PHF8: variants seen among roughly 807,000 people sequenced by gnomAD.
The protein encoded by PHF8 is PHD finger protein 8, also known as histone lysine demethylase PHF8.
In PHF8, 9 loss-of-function variants were observed where a neutral mutation model predicts 74.4. The ratio of observed to expected loss-of-function variants is 0.12; its 90% CI spans 0.07 to 0.21. The LOEUF (loss-of-function observed/expected upper bound fraction) is 0.21. Among genes scored for constraint, PHF8 ranks in the 10% least tolerant of loss-of-function variants. The probability of loss-of-function intolerance (pLI) is 1.00; values close to 1 mark genes in which losing one functional copy is unlikely to be tolerated. For synonymous variants in PHF8, 311 were observed against 316.6 expected (o/e 0.98, Z 0.19); for missense variants, 478 against 816.6 (o/e 0.59, Z 5.05).
intron 19 of PHF8, among the ~76,000 whole-genome samples, chrX:53,950,000 A>G (rs1557086501): frequency 2.7e-5 from 3 of 110,553 alleles, no homozygotes; most frequent in African/African-American, 9.9e-5. Flanking sequence ...AAAAACAACA[A>G]AAAAACTAGC....
chrX:54,022,401 G>A lies in PHF8; in HGVS notation c.185-34C>T, dbSNP rs781937614. The A allele has an allele frequency of 6.8e-5, 62 of 910,010 alleles. No individual in the cohort carries two copies. The South Asian group carries it at 1.2e-3, about 17-fold the overall frequency. 75.0% of individuals were successfully genotyped at this position (910,010 alleles called of 1,213,427 possible). A position where few individuals can be genotyped will look rare whatever the true frequency, so the allele number is the denominator to read the frequency against. Reference sequence around the variant, plus strand: ...GAAAAACATGAGAGATTGTGAGTCAGAACGGTCATGAGCTATGATACCAAG... The same window carrying A: ...GAAAAACATGAGAGATTGTGAGTCAAAACGGTCATGAGCTATGATACCAAG... On this transcript the variant is annotated intron_variant, in intron 3 of 21. Coordinates refer to ENST00000338154, the MANE Select transcript of PHF8 (RefSeq NM_015107.3).
chrX:53,988,777 A>AT (rs782323492), intron 14 of PHF8, among the ~76,000 whole-genome samples: 2 of 107,341 alleles, frequency 1.9e-5, no homozygotes, highest in Non-Finnish European at 1.9e-5. Flanking sequence ...AAAATACTGT[A>AT]TTGTATACTT....
chrX:54,001,776 T>C (rs2065831018), intron 10 of PHF8, among the ~76,000 whole-genome samples: 1 of 109,865 alleles, frequency 9.1e-6, no homozygotes, highest in South Asian at 3.9e-4. Flanking sequence ...ATTATCCAGG[T>C]GTGGGGGCCC....
chrX:53,946,034 T>G (rs1466968119), intron 19 of PHF8, among the ~76,000 whole-genome samples: 1 of 111,986 alleles, frequency 8.9e-6, no homozygotes, highest in Non-Finnish European at 1.9e-5. Context: ...TCCCACCATT[T>G]CAAAAGGAAG....
rs371845413 is a variant in PHF8 at position 53,985,194 on chromosome X, G to A, written c.2163C>T (p.Ala721=). Residue 721 remains alanine, a synonymous_variant, in exon 18 of 22, where the codon GCC becomes GCT. Coordinates refer to ENST00000338154, the MANE Select transcript of PHF8 (RefSeq NM_015107.3). ...TGGCCATGCACAGCATGCCCTGGAT[G>A]GCCTCCTGAGTGCTGGGAGAAGCTG... ...EAPASPSTQE[A]IQGMLCMANL... The A allele has an allele frequency of 8.3e-7, 1 of 1,203,501 alleles. No individual in the cohort carries two copies. Among genetic ancestry groups the A allele is most frequent in the Non-Finnish European group, 1.1e-6 (1 of 890,929 alleles).
intron 12 of PHF8, among the ~76,000 whole-genome samples, chrX:53,995,395 C>T (rs1330031622): frequency 8.9e-6 from 1 of 112,080 alleles, no homozygotes; most frequent in Non-Finnish European, 1.9e-5. Flanking sequence ...CGAGTAGGTA[C>T]AATTATCCCC....
intron 18 of PHF8, among the ~76,000 whole-genome samples, chrX:53,981,223 A>G: frequency 8.9e-6 from 1 of 112,365 alleles, no homozygotes; most frequent in African/African-American, 3.2e-5. Context: ...CAAAACAAAC[A>G]AACAAACAAC....
chrX:53,987,719 A>C (rs1205023382), intron 15 of PHF8, 47 bp downstream of exon 15: 5 of 1,077,168 alleles, frequency 4.6e-6, no homozygotes, highest in Non-Finnish European at 6.3e-6. Context: ...CAAAACAAAC[A>C]AACAAAAAAA....
intron 19 of PHF8, among the ~76,000 whole-genome samples, chrX:53,962,040 G>C (rs1387038356): frequency 1.8e-5 from 2 of 111,952 alleles, no homozygotes; most frequent in Non-Finnish European, 3.8e-5. Context: ...CTTGCTGCTA[G>C]AAACCTTTCT....
intron 3 of PHF8, 25 bp downstream of exon 3, chrX:54,022,733 C>G (rs781965747): frequency 2.0e-6 from 2 of 1,015,524 alleles, no homozygotes; most frequent in Admixed American, 4.4e-5. Flanking sequence ...ATTGTCTTCT[C>G]TAGGAAACCC....
chrX:54,023,932 T>A (rs1453014466), intron 2 of PHF8, among the ~76,000 whole-genome samples: 2 of 110,152 alleles, frequency 1.8e-5, no homozygotes, highest in Non-Finnish European at 3.8e-5. Context: ...GAGCTCAAGT[T>A]GTTTCAGCCA....
chrX:53,944,490 G>A (rs2064801365), intron 19 of PHF8: 1 of 367,563 alleles, frequency 2.7e-6, no homozygotes, highest in Non-Finnish European at 4.8e-6. Flanking sequence ...TCCTTTGGCT[G>A]GGCATGATGG....
chrX:54,013,190 G>C (rs2066009015), intron 7 of PHF8, among the ~76,000 whole-genome samples: 1 of 111,505 alleles, frequency 9.0e-6, no homozygotes, highest in Non-Finnish European at 1.9e-5. Context: ...AATCATTTAA[G>C]AAATTTGTTT....
intron 20 of PHF8, among the ~76,000 whole-genome samples, chrX:53,942,293 G>A (rs782187669): frequency 1.8e-5 from 2 of 111,961 alleles, no homozygotes; most frequent in Non-Finnish European, 3.8e-5. Context: ...CATAACAACT[G>A]CCATTCTAAA....
At chrX:53,952,596 A>G (rs2149784488) in intron 19 of PHF8, among the ~76,000 whole-genome samples, 1 of 111,356 alleles carries the variant, frequency 9.0e-6, no homozygotes, top group South Asian at 3.8e-4. Flanking sequence ...AAATTAAGTG[A>G]TAATAGGCTG....
At chrX:54,001,154 C>T (rs191395799) in intron 10 of PHF8, among the ~76,000 whole-genome samples, 20 of 110,776 alleles carry the variant, frequency 1.8e-4, no homozygotes, top group African/African-American at 5.9e-4. Context: ...GGTGAAACCC[C>T]GTCTCTACTA....
At chrX:53,949,085 C>T (rs2064878098) in intron 19 of PHF8, among the ~76,000 whole-genome samples, 1 of 110,298 alleles carries the variant, frequency 9.1e-6, no homozygotes, top group Non-Finnish European at 1.9e-5. Context: ...TGTCATAATA[C>T]ACTTTGGGAG....
At position 53,962,836 on chromosome X, in the gene PHF8, T is replaced by C. The variant is rs782404360; in HGVS notation, c.2539+8A>G. 133 of 1,066,786 alleles carry C rather than the reference T, an allele frequency of 1.2e-4. No individual in the cohort carries two copies. The highest frequency in any genetic ancestry group is 5.9e-5 in the Non-Finnish European group (45 of 765,309). The allele number at this position is 1,066,786 out of a possible 1,213,427, so 87.9% of individuals were successfully genotyped here. On this transcript the variant is annotated splice_region_variant and intron_variant, in intron 19 of 21. Transcript: ENST00000338154. Reference sequence around the variant, plus strand: ...CTACAGAGTTTAAGGGACAAAATACTAGATTACCTTTAGGACTCCATGGAG... The same window carrying C: ...CTACAGAGTTTAAGGGACAAAATACCAGATTACCTTTAGGACTCCATGGAG...
chrX:53,995,067 G>A (rs1557102407), intron 12 of PHF8: 3 of 307,988 alleles, frequency 9.7e-6, no homozygotes, highest in Non-Finnish European at 1.9e-5. Flanking sequence ...AGGAAACTGA[G>A]GCTCTGAAAG....
Sources: gnomAD v4.1 joint callset for allele counts (sites outside exome capture counted in the v4.1 genomes callset) on GRCh38, gnomAD v4.1.1 for gene constraint, MANE v1.5 for transcripts, NCBI Gene and HGNC (gene_info 2026-07-23, HGNC 2026-07-21) for gene names.